DPP10: variants seen among roughly 807,000 people sequenced by gnomAD.
The protein encoded by DPP10 is inactive dipeptidyl peptidase 10.
In DPP10, 33 loss-of-function variants were observed where a neutral mutation model predicts 120.9. That is an observed-to-expected ratio of 0.27 (90% CI 0.21 to 0.37). The LOEUF (loss-of-function observed/expected upper bound fraction) is 0.37, where lower values mean the gene tolerates loss of function less well. Ranked by LOEUF, DPP10 falls within the 10% of genes least tolerant of loss-of-function variation. DPP10 has a pLI of 1.00. For synonymous variants in DPP10, 337 were observed against 326.1 expected (o/e 1.03, Z -0.36); for missense variants, 816 against 942.8 (o/e 0.87, Z 1.76).
At chr2:115,478,080 A>G (rs1198495152) in intron 3 of DPP10, among the ~76,000 whole-genome samples, 1 of 152,154 alleles carries the variant, frequency 6.6e-6, no homozygotes, top group East Asian at 1.9e-4. Context: ...GCACTAAGCC[A>G]TTCATGAGGG....
chr2:114,791,545 C>A (rs1251800417), intron 1 of DPP10, among the ~76,000 whole-genome samples: 1 of 152,034 alleles, frequency 6.6e-6, no homozygotes, highest in African/African-American at 2.4e-5. Context: ...TTCGCTTGGG[C>A]TTTCACGTAA....
At chr2:115,210,606 A>G (rs538146895) in intron 1 of DPP10, among the ~76,000 whole-genome samples, 10 of 152,280 alleles carry the variant, frequency 6.6e-5, no homozygotes, top group African/African-American at 9.6e-5. Flanking sequence ...TGTCTTCCAC[A>G]ATGGTTGAAC....
intron 3 of DPP10, among the ~76,000 whole-genome samples, chr2:115,404,685 T>C (rs1045013527): frequency 3.3e-5 from 5 of 152,020 alleles, no homozygotes; most frequent in African/African-American, 7.2e-5. Flanking sequence ...AAGTGCAACA[T>C]TGGGAAGCCA....
chr2:115,499,626 A>G, intron 4 of DPP10, 22 bp downstream of exon 4: 1 of 1,563,862 alleles, frequency 6.4e-7, no homozygotes, highest in Admixed American at 1.7e-5. Context: ...ATAATTAATT[A>G]CTTTATGCAT....
intron 1 of DPP10, among the ~76,000 whole-genome samples, chr2:114,988,577 C>G (rs560199109): frequency 6.6e-6 from 1 of 152,300 alleles, no homozygotes; most frequent in South Asian, 2.1e-4. Context: ...TCCTTAGGTC[C>G]TTTCCCCAGG....
intron 2 of DPP10, among the ~76,000 whole-genome samples, chr2:115,333,702 TA>T (rs1384776346): frequency 2.0e-5 from 3 of 152,134 alleles, no homozygotes; most frequent in Non-Finnish European, 4.4e-5. Context: ...TGGCTGGATA[TA>T]AAATTCTGGG....
chr2:115,266,697 A>G (rs2059476658), intron 1 of DPP10, among the ~76,000 whole-genome samples: 1 of 151,998 alleles, frequency 6.6e-6, no homozygotes, highest in Admixed American at 6.5e-5. Context: ...CTTTTTGAGG[A>G]CAATGCAAAT....
intron 1 of DPP10, among the ~76,000 whole-genome samples, chr2:115,181,508 C>G (rs149882535): frequency 3.6e-3 from 545 of 152,246 alleles, no homozygotes; most frequent in African/African-American, 0.012. Flanking sequence ...CTCTTTCTTT[C>G]TCCACATGGG....
At chr2:115,480,133 A>C (rs1482746175) in intron 3 of DPP10, among the ~76,000 whole-genome samples, 1 of 151,940 alleles carries the variant, frequency 6.6e-6, no homozygotes, top group African/African-American at 2.4e-5. Context: ...TTCACTTCCA[A>C]ATTGTATTTA....
intron 1 of DPP10, among the ~76,000 whole-genome samples, chr2:114,986,798 T>G (rs1700422143): frequency 6.6e-6 from 1 of 152,084 alleles, no homozygotes; most frequent in Non-Finnish European, 1.5e-5. Flanking sequence ...CAGGATGGAG[T>G]CTCACTCTGT....
intron 1 of DPP10, among the ~76,000 whole-genome samples, chr2:115,240,670 G>A (rs1056169693): frequency 2.6e-5 from 4 of 152,176 alleles, no homozygotes; most frequent in African/African-American, 9.7e-5. Context: ...AACCAAAAAT[G>A]TATGTGACTT....
chr2:114,522,505 A>T (rs974186096), intron 1 of DPP10, among the ~76,000 whole-genome samples: 21 of 152,210 alleles, frequency 1.4e-4, no homozygotes, highest in African/African-American at 5.1e-4. Context: ...GGACTAAAAA[A>T]ACACTCTGGG....
chr2:115,436,303 T>A (rs1194126176), intron 3 of DPP10, among the ~76,000 whole-genome samples: 7 of 151,778 alleles, frequency 4.6e-5, no homozygotes, highest in Non-Finnish European at 1.5e-5. Context: ...ATAGATAAAA[T>A]TTGGTTTAAT....
intron 5 of DPP10, among the ~76,000 whole-genome samples, chr2:115,586,150 C>T (rs1225397273): frequency 1.3e-5 from 2 of 151,988 alleles, no homozygotes; most frequent in Non-Finnish European, 2.9e-5. Flanking sequence ...TGGCGAAACC[C>T]CGTCTCTACT....
chr2:115,809,283 G>A (rs1686365263), intron 19 of DPP10, among the ~76,000 whole-genome samples: 1 of 151,960 alleles, frequency 6.6e-6, no homozygotes, highest in Non-Finnish European at 1.5e-5. Context: ...CTTGAAAGAG[G>A]GCAAACTTCA....
At chr2:114,705,750 T>C (rs190109625) in intron 1 of DPP10, among the ~76,000 whole-genome samples, 43 of 152,282 alleles carry the variant, frequency 2.8e-4, no homozygotes, top group Admixed American at 1.5e-3. Context: ...TAGGATGCTA[T>C]CAGTGGCAAG....
intron 3 of DPP10, among the ~76,000 whole-genome samples, chr2:115,426,075 A>G (rs1181514387): frequency 6.7e-6 from 1 of 149,308 alleles, no homozygotes; most frequent in African/African-American, 2.5e-5. Flanking sequence ...TGAGATTCTC[A>G]CCAGGTGCCA....
intron 5 of DPP10, among the ~76,000 whole-genome samples, chr2:115,582,594 A>G (rs2082063180): frequency 6.6e-6 from 1 of 152,216 alleles, no homozygotes; most frequent in Non-Finnish European, 1.5e-5. Flanking sequence ...TACCTACTCT[A>G]ACAGAGGTAT....
At chr2:115,354,771 A>G (rs755508612) in intron 3 of DPP10, among the ~76,000 whole-genome samples, 2 of 150,926 alleles carry the variant, frequency 1.3e-5, no homozygotes, top group African/African-American at 2.4e-5. Flanking sequence ...TCATTGTTCA[A>G]CTCCCACTTA....
Sources: gnomAD v4.1 joint callset for allele counts (sites outside exome capture counted in the v4.1 genomes callset) on GRCh38, gnomAD v4.1.1 for gene constraint, MANE v1.5 for transcripts, NCBI Gene and HGNC (gene_info 2026-07-23, HGNC 2026-07-21) for gene names.